Variants in LRIF1 observed in about 807,000 individuals in gnomAD.
LRIF1 encodes ligand dependent nuclear receptor interacting factor 1, also known as ligand-dependent nuclear receptor-interacting factor 1.
A neutral mutation model predicts 52.7 loss-of-function variants in LRIF1; 32 were observed. The ratio of observed to expected loss-of-function variants is 0.61; its 90% CI spans 0.46 to 0.82. The LOEUF is 0.82. Among genes scored for constraint, LRIF1 ranks in the 40% least tolerant of loss-of-function variants. LRIF1 has a pLI of 0.00. For missense variants in LRIF1, 887 were observed against 892.0 expected, an observed-to-expected ratio of 0.99 and a Z score of 0.07; for synonymous variants, 323 against 317.4, an observed-to-expected ratio of 1.02 and a Z score of -0.19.
chr1:110,893,040 T>C, the LRIF1 span, among the ~76,000 whole-genome samples: 1 of 152,180 alleles, frequency 6.6e-6, no homozygotes, highest in Non-Finnish European at 1.5e-5. Flanking sequence ...GCTGCAGCCA[T>C]TGAGGTCTAA....
chr1:110,948,379 T>C lies in LRIF1; in HGVS notation c.1890A>G (p.Arg630=), dbSNP rs1489765125. The C allele has an allele frequency of 6.2e-7, 1 of 1,610,404 alleles. No homozygotes were observed. Among genetic ancestry groups the C allele is most frequent in the Non-Finnish European group, 8.5e-7 (1 of 1,178,122 alleles). Residue 630 remains arginine (R), a synonymous_variant, in exon 4 of 4, where the codon AGA becomes AGG. Transcript: ENST00000369763. ...ERKQQNFDKK[R]KAKTNKKMDH... ...CCATCTTCTTATTAGTTTTTGCTTT[T>C]CTTTTCTTATCAAAATTCTGCTGCA...
the LRIF1 span, among the ~76,000 whole-genome samples, chr1:110,886,869 A>ATATATATATAT: frequency 6.1e-3 from 507 of 82,736 alleles, 1 homozygote; most frequent in East Asian, 0.02. Context: ...ATATATATAT[A>ATATATATATAT]TTTTTTTTTT....
In LRIF1 at chr1:110,947,512, A is replaced by C. The variant is rs763194619; in HGVS notation, c.*447T>G. 6.5e-6 allele frequency: 1 copy of C among 153,344 alleles called. No individual in the cohort carries two copies. Among genetic ancestry groups the C allele is most frequent in the Non-Finnish European group, 1.5e-5 (1 of 68,914 alleles). The allele number at this position is 153,344 out of a possible 1,614,324, so 9.5% of individuals were successfully genotyped here. On this transcript the variant is annotated 3_prime_UTR_variant, in exon 4 of 4. Coordinates refer to ENST00000369763, the MANE Select transcript of LRIF1 (RefSeq NM_018372.4). ...ACAAGGTATCATCATTTTAAGGGTA[A>C]AGAGATAAAGCAAGTACATATACAA...
At chr1:110,924,197 G>A in the LRIF1 span, among the ~76,000 whole-genome samples, 1 of 152,050 alleles carries the variant, frequency 6.6e-6, no homozygotes, top group African/African-American at 2.4e-5. Context: ...TAGTCCAATA[G>A]CCATTTACAA....
At chr1:110,956,008 A>G (rs1419147561) in intron 1 of LRIF1, among the ~76,000 whole-genome samples, 1 of 152,172 alleles carries the variant, frequency 6.6e-6, no homozygotes, top group Non-Finnish European at 1.5e-5. Flanking sequence ...GATTATGTGC[A>G]TTTTCAGGTA....
chr1:110,902,495 T>TAAAAAAAAAAAAAAAAAAAAA, the LRIF1 span, among the ~76,000 whole-genome samples: 6 of 72,666 alleles, frequency 8.3e-5, no homozygotes, highest in South Asian at 5.3e-4. Flanking sequence ...AATCAATCAC[T>TAAAAAAAAAAAAAAAAAAAAA]AAAAAAAAAA....
chr1:110,899,140 T>C, the LRIF1 span: 1 of 1,613,886 alleles, frequency 6.2e-7, no homozygotes, highest in Non-Finnish European at 8.5e-7. Flanking sequence ...GGGATGTCCT[T>C]TGCACTGACC....
In LRIF1 at chr1:110,951,518, T is replaced by C. The variant is rs979427394; in HGVS notation, c.1366A>G (p.Asn456Asp). 8.7e-6 allele frequency: 14 copies of C among 1,614,074 alleles called. No homozygotes were observed. The East Asian group carries it at 8.9e-5, about 10-fold the overall frequency. Residue 456 changes from asparagine (N) to aspartate (D), a missense_variant, in exon 2 of 4, where the codon AAT (asparagine) becomes GAT (aspartate). Transcript: ENST00000369763. ...TTACTGGATTGGTTCATATGTGGAT[T>C]TGTGGTAGAAGGAGATGGTTTCTCC... ...KVEKPSPSTT[N>D]PHMNQSSNYL...
chr1:110,875,064 G>T, the LRIF1 span, among the ~76,000 whole-genome samples: 1 of 152,252 alleles, frequency 6.6e-6, no homozygotes, highest in African/African-American at 2.4e-5. Context: ...AACTGTAGGA[G>T]TTAGGAGTGT....
At chr1:110,946,545 TG>T (rs1173408608), downstream of LRIF1, among the ~76,000 whole-genome samples, 8 of 152,186 alleles carry the variant, frequency 5.3e-5, no homozygotes, top group Admixed American at 2.6e-4. Context: ...AAAATCTAGC[TG>T]ATCTGTGTAT....
chr1:110,892,623 C>A, the LRIF1 span: 1 of 1,043,378 alleles, frequency 9.6e-7, no homozygotes, highest in Non-Finnish European at 1.4e-6. Context: ...CACTTATAGG[C>A]ACAGAAAGAT....
chr1:110,959,129 ATTACT>A (rs1409744232), intron 1 of LRIF1, among the ~76,000 whole-genome samples: 1 of 152,172 alleles, frequency 6.6e-6, no homozygotes, highest in Non-Finnish European at 1.5e-5. Context: ...TGGTCACCTA[ATTACT>A]TTAAAGTAAT....
At chr1:110,874,986 G>A in the LRIF1 span, among the ~76,000 whole-genome samples, 1 of 152,198 alleles carries the variant, frequency 6.6e-6, no homozygotes, top group Admixed American at 6.5e-5. Flanking sequence ...TATTATGGAT[G>A]ACAGTCACAG....
At chr1:110,891,537 T>C in the LRIF1 span, 14 of 1,241,208 alleles carry the variant, frequency 1.1e-5, no homozygotes, top group Non-Finnish European at 1.7e-5. Context: ...CTCATTCCTC[T>C]ACTGAAGAGG....
At chr1:110,955,836 A>ATG (rs1658675588) in intron 1 of LRIF1, among the ~76,000 whole-genome samples, 1 of 152,232 alleles carries the variant, frequency 6.6e-6, no homozygotes, top group Admixed American at 6.5e-5. Flanking sequence ...ACATATGTAA[A>ATG]TACTCAAGTG....
At chr1:110,892,479 T>G in the LRIF1 span, 1 of 1,614,170 alleles carries the variant, frequency 6.2e-7, no homozygotes, top group Non-Finnish European at 8.5e-7. Context: ...TCATGGTAGT[T>G]GCCTTCCTGG....
At chr1:110,957,301 C>CAAAAAAAAAAAA (rs35011841) in intron 1 of LRIF1, among the ~76,000 whole-genome samples, 1 of 81,886 alleles carries the variant, frequency 1.2e-5, no homozygotes, top group Non-Finnish European at 2.4e-5. Flanking sequence ...ACTAAAAATA[C>CAAAAAAAAAAAA]AAAAAAAAAA....
chr1:110,901,482 T>TTG, the LRIF1 span, among the ~76,000 whole-genome samples: 2 of 147,738 alleles, frequency 1.4e-5, no homozygotes, highest in African/African-American at 5.0e-5. Flanking sequence ...CCGGCCTTTT[T>TTG]TTTTTTTTTT....
chr1:110,881,772 T>A, the LRIF1 span, among the ~76,000 whole-genome samples: 4 of 152,200 alleles, frequency 2.6e-5, no homozygotes, highest in Non-Finnish European at 5.9e-5. Flanking sequence ...CAACACTTGG[T>A]GTGGTCAGGT....
Sources: gnomAD v4.1 joint callset for allele counts (sites outside exome capture counted in the v4.1 genomes callset) on GRCh38, gnomAD v4.1.1 for gene constraint, MANE v1.5 for transcripts, NCBI Gene and HGNC (gene_info 2026-07-23, HGNC 2026-07-21) for gene names.